EPHA6: variants seen among roughly 807,000 people sequenced by gnomAD.
EPHA6 encodes EPH receptor A6.
EPHA6 carries 50 observed loss-of-function variants against 112.0 expected under a neutral mutation model. That is an observed-to-expected ratio of 0.45 (90% CI 0.36 to 0.56). The LOEUF (loss-of-function observed/expected upper bound fraction) is 0.56, where lower values mean the gene tolerates loss of function less well. Ranked by LOEUF, EPHA6 falls within the 20% of genes least tolerant of loss-of-function variation. The pLI, the probability that EPHA6 is intolerant of heterozygous loss-of-function variation, is 0.00. For synonymous variants in EPHA6, 529 were observed against 490.7 expected (o/e 1.08, Z -1.03); for missense variants, 1,280 against 1,417.4 (o/e 0.90, Z 1.56).
At chr3:97,363,489 A>G (rs922457285) in intron 5 of EPHA6, among the ~76,000 whole-genome samples, 1 of 151,574 alleles carries the variant, frequency 6.6e-6, no homozygotes, top group Admixed American at 6.6e-5. Flanking sequence ...TAGCAAATCA[A>G]TGTTGCAATC....
intron 2 of EPHA6, among the ~76,000 whole-genome samples, chr3:96,967,129 G>C (rs930176390): frequency 6.6e-6 from 1 of 151,016 alleles, no homozygotes; most frequent in Non-Finnish European, 1.5e-5. Flanking sequence ...TCTTGTTTCA[G>C]GTTTTGAAGA....
At chr3:97,519,946 C>T (rs977529378) in intron 10 of EPHA6, among the ~76,000 whole-genome samples, 2 of 145,218 alleles carry the variant, frequency 1.4e-5, no homozygotes, top group Non-Finnish European at 3.0e-5. Context: ...ATCTGATTTC[C>T]TTTTTTCTAG....
chr3:97,445,983 C>T (rs568295367), intron 6 of EPHA6, among the ~76,000 whole-genome samples: 1 of 152,098 alleles, frequency 6.6e-6, no homozygotes, highest in African/African-American at 2.4e-5. Context: ...ATTCAACCTG[C>T]CAGGATGAAG....
At chr3:97,299,303 T>C (rs1432307558) in intron 5 of EPHA6, among the ~76,000 whole-genome samples, 2 of 151,952 alleles carry the variant, frequency 1.3e-5, no homozygotes, top group African/African-American at 2.4e-5. Context: ...AAGGAATATA[T>C]GGCCATATGA....
At chr3:97,356,691 C>G (rs2084094805) in intron 5 of EPHA6, among the ~76,000 whole-genome samples, 1 of 152,090 alleles carries the variant, frequency 6.6e-6, no homozygotes, top group African/African-American at 2.4e-5. Context: ...GTTTTCTGAT[C>G]TGTTGAAATT....
chr3:97,297,030 G>A (rs2080897114), intron 5 of EPHA6, among the ~76,000 whole-genome samples: 1 of 152,128 alleles, frequency 6.6e-6, no homozygotes, highest in East Asian at 1.9e-4. Flanking sequence ...TTAGGTTTGG[G>A]GACTCAGCAT....
intron 2 of EPHA6, among the ~76,000 whole-genome samples, chr3:96,898,898 C>T (rs909843165): frequency 3.3e-5 from 5 of 151,540 alleles, no homozygotes; most frequent in Admixed American, 6.6e-5. Context: ...CATGGTGGCG[C>T]GCGCCTGTAG....
chr3:96,946,281 G>C (rs28870215), intron 2 of EPHA6, among the ~76,000 whole-genome samples: 1 of 151,618 alleles, frequency 6.6e-6, no homozygotes, highest in African/African-American at 2.4e-5. Context: ...CGAGTAACTC[G>C]TCATTTACAT....
chr3:97,392,776 CTT>C (rs2086485578), intron 5 of EPHA6, among the ~76,000 whole-genome samples: 1 of 151,506 alleles, frequency 6.6e-6, no homozygotes, highest in Non-Finnish European at 1.5e-5. Flanking sequence ...TTATTAATGA[CTT>C]GTCATATTAT....
At chr3:97,140,615 C>T (rs1239506990) in intron 3 of EPHA6, among the ~76,000 whole-genome samples, 1 of 152,020 alleles carries the variant, frequency 6.6e-6, no homozygotes, top group Non-Finnish European at 1.5e-5. Context: ...AAAGTATTTC[C>T]CAGACAAGCA....
chr3:97,533,864 T>C (rs2092724319), intron 11 of EPHA6, among the ~76,000 whole-genome samples: 1 of 152,060 alleles, frequency 6.6e-6, no homozygotes, highest in South Asian at 2.1e-4. Flanking sequence ...GCCTTGTGAG[T>C]GAACCATCTC....
chr3:96,953,494 A>G (rs572037305), intron 2 of EPHA6, among the ~76,000 whole-genome samples: 1 of 152,218 alleles, frequency 6.6e-6, no homozygotes, highest in Non-Finnish European at 1.5e-5. Context: ...CCATGAAGTA[A>G]AGTGTTAAAG....
intron 14 of EPHA6, among the ~76,000 whole-genome samples, chr3:97,705,309 T>C (rs1559615693): frequency 6.6e-6 from 1 of 152,146 alleles, no homozygotes; most frequent in Non-Finnish European, 1.5e-5. Context: ...CATCTAACTC[T>C]ATTCATCTTT....
chr3:97,391,677 G>C (rs2086407693), intron 5 of EPHA6, among the ~76,000 whole-genome samples: 1 of 151,884 alleles, frequency 6.6e-6, no homozygotes, highest in Non-Finnish European at 1.5e-5. Flanking sequence ...ACAAGGAATA[G>C]AGAGTAAATG....
chr3:96,957,919 A>G (rs745308941), intron 2 of EPHA6, among the ~76,000 whole-genome samples: 2 of 152,206 alleles, frequency 1.3e-5, no homozygotes, highest in East Asian at 1.9e-4. Flanking sequence ...ATATTTGACC[A>G]AAAGACGTAG....
In EPHA6 at chr3:96,901,308, T is replaced by C. The variant is rs181163815; in HGVS notation, c.450+34419T>C. ...TATATGTATAAAATAACCTGATTTT[T>C]GTAACAACAATACCTACAAAGTTTT... On this transcript the variant is annotated intron_variant, in intron 2 of 17. Transcript: ENST00000389672. 5.3e-3 allele frequency among the ~76,000 whole-genome samples: 801 copies of C among 152,288 alleles called. 7 individuals are homozygous for C. Among genetic ancestry groups the C allele is most frequent in the African/African-American group, 0.019 (782 of 41,568 alleles).
intron 14 of EPHA6, among the ~76,000 whole-genome samples, chr3:97,717,885 G>T (rs1322538176): frequency 1.3e-5 from 2 of 152,136 alleles, no homozygotes; most frequent in Non-Finnish European, 2.9e-5. Context: ...TAATTTATAT[G>T]AAATATCATT....
At chr3:97,602,141 AT>A (rs2093648247) in intron 12 of EPHA6, among the ~76,000 whole-genome samples, 1 of 152,038 alleles carries the variant, frequency 6.6e-6, no homozygotes, top group Admixed American at 6.6e-5. Flanking sequence ...TACAACTGAA[AT>A]TTCAACTGCT....
chr3:96,834,561 GT>G (rs199729087), intron 1 of EPHA6, among the ~76,000 whole-genome samples: 125 of 151,750 alleles, frequency 8.2e-4, no homozygotes, highest in Non-Finnish European at 4.6e-4. Flanking sequence ...CCCTGTTGTT[GT>G]TTTTTTTCCT....
Sources: allele counts gnomAD v4.1 joint callset (sites outside exome capture counted in the v4.1 genomes callset), GRCh38; gene constraint gnomAD v4.1.1; transcripts MANE v1.5; gene names NCBI Gene and HGNC (gene_info 2026-07-23, HGNC 2026-07-21).